Variants in NTM observed in about 807,000 individuals in gnomAD.
NTM encodes neurotrimin.
In NTM, 13 loss-of-function variants were observed where a neutral mutation model predicts 42.1. That is an observed-to-expected ratio of 0.31 (90% confidence interval 0.20 to 0.49). The LOEUF is 0.49. Ranked by LOEUF, NTM falls within the 20% of genes least tolerant of loss-of-function variation. The pLI is 0.99. For missense variants in NTM, 373 were observed against 452.8 expected, an observed-to-expected ratio of 0.82 and a Z score of 1.60; for synonymous variants, 187 against 179.2, an observed-to-expected ratio of 1.04 and a Z score of -0.35.
At chr11:131,978,401 G>A (rs1399969537) in intron 2 of NTM, among the ~76,000 whole-genome samples, 4 of 152,058 alleles carry the variant, frequency 2.6e-5, no homozygotes, top group Non-Finnish European at 1.5e-5. Context: ...CAAATTATTC[G>A]GGTCAGAGCA....
intron 1 of NTM, among the ~76,000 whole-genome samples, chr11:131,803,348 T>C (rs183701739): frequency 6.6e-6 from 1 of 152,012 alleles, no homozygotes; most frequent in Non-Finnish European, 1.5e-5. Context: ...GTCGCCAGGC[T>C]GGAGTGCTGG....
intron 1 of NTM, among the ~76,000 whole-genome samples, chr11:131,888,209 G>A (rs1272697615): frequency 6.6e-6 from 1 of 152,118 alleles, no homozygotes; most frequent in Non-Finnish European, 1.5e-5. Flanking sequence ...GCTGAGGCAG[G>A]AGAATCGCTT....
At chr11:131,977,423 C>G (rs2064568694) in intron 2 of NTM, among the ~76,000 whole-genome samples, 1 of 152,218 alleles carries the variant, frequency 6.6e-6, no homozygotes, top group Non-Finnish European at 1.5e-5. Context: ...TTTTAACTGT[C>G]TTCACACTGG....
intron 1 of NTM, among the ~76,000 whole-genome samples, chr11:131,791,625 A>C (rs1404883780): frequency 1.3e-5 from 2 of 152,196 alleles, no homozygotes; most frequent in Admixed American, 6.5e-5. Flanking sequence ...CCAACAGTTT[A>C]GAAGACTTTT....
intron 2 of NTM, among the ~76,000 whole-genome samples, chr11:131,989,846 A>G (rs1393311867): frequency 1.3e-5 from 2 of 152,148 alleles, no homozygotes; most frequent in African/African-American, 4.8e-5. Flanking sequence ...TGGTACAACC[A>G]TGTGAATGCT....
intron 1 of NTM, among the ~76,000 whole-genome samples, chr11:131,474,973 C>T (rs186283634): frequency 1.6e-3 from 246 of 152,304 alleles, no homozygotes; most frequent in Non-Finnish European, 2.1e-3. Context: ...TCATTGCCTG[C>T]CCTTGCTCTT....
At chr11:131,932,548 A>G (rs1443985517) in intron 2 of NTM, among the ~76,000 whole-genome samples, 2 of 152,288 alleles carry the variant, frequency 1.3e-5, no homozygotes, top group African/African-American at 4.8e-5. Context: ...TATCACCCCA[A>G]TTCTTCCTGG....
At chr11:131,467,283 G>A (rs759225025) in intron 1 of NTM, among the ~76,000 whole-genome samples, 1 of 152,154 alleles carries the variant, frequency 6.6e-6, no homozygotes, top group African/African-American at 2.4e-5. Flanking sequence ...CCTTGCTCCT[G>A]ACAATCATGC....
chr11:131,982,337 G>A (rs942540974), intron 2 of NTM, among the ~76,000 whole-genome samples: 7 of 152,134 alleles, frequency 4.6e-5, no homozygotes, highest in Non-Finnish European at 7.3e-5. Context: ...AGAAGGCATA[G>A]GGAATGCAAG....
At chr11:131,745,185 G>A (rs894169650) in intron 1 of NTM, among the ~76,000 whole-genome samples, 8 of 152,278 alleles carry the variant, frequency 5.3e-5, no homozygotes, top group African/African-American at 1.9e-4. Context: ...ATTATGGCTT[G>A]TAATACTGGG....
At chr11:132,320,358 A>C (rs2095533417) in intron 7 of NTM, among the ~76,000 whole-genome samples, 2 of 152,334 alleles carry the variant, frequency 1.3e-5, no homozygotes, top group South Asian at 4.1e-4. Context: ...GCATTGCCTC[A>C]CTCGGGAAGT....
intron 1 of NTM, among the ~76,000 whole-genome samples, chr11:131,392,397 A>C (rs1239900022): frequency 6.6e-6 from 1 of 151,312 alleles, no homozygotes. Context: ...CCTGTGTGCA[A>C]CCATAGAGCC....
At chr11:132,104,614 AATC>A (rs1354307785) in intron 2 of NTM, among the ~76,000 whole-genome samples, 17 of 149,270 alleles carry the variant, frequency 1.1e-4, no homozygotes, top group African/African-American at 3.5e-4. Flanking sequence ...TAATAGTAAT[AATC>A]ATAATAATAA....
intron 1 of NTM, among the ~76,000 whole-genome samples, chr11:131,888,015 C>T (rs1228452060): frequency 6.6e-6 from 1 of 152,146 alleles, no homozygotes; most frequent in Non-Finnish European, 1.5e-5. Flanking sequence ...TGAGTTGCTA[C>T]TCAAAACTGC....
intron 2 of NTM, among the ~76,000 whole-genome samples, chr11:131,913,357 A>G (rs1176450888): frequency 6.6e-6 from 1 of 151,828 alleles, no homozygotes; most frequent in African/African-American, 2.4e-5. Context: ...GAAAAGGTGT[A>G]AGGTAGCTCT....
chr11:132,090,456 C>T (rs2060248190), intron 2 of NTM, among the ~76,000 whole-genome samples: 1 of 152,100 alleles, frequency 6.6e-6, no homozygotes. Context: ...CTTCCCATGC[C>T]CAGTAACTTC....
chr11:132,218,512 G>T (rs955092369), intron 4 of NTM, among the ~76,000 whole-genome samples: 1 of 152,158 alleles, frequency 6.6e-6, no homozygotes, highest in Admixed American at 6.5e-5. Flanking sequence ...AGGGCGTAAG[G>T]CAAGACTTGA....
chr11:131,452,679 C>T (rs184858675), intron 1 of NTM, among the ~76,000 whole-genome samples: 105 of 152,268 alleles, frequency 6.9e-4, no homozygotes, highest in African/African-American at 2.5e-3. Context: ...GGCTTCTTGG[C>T]TTTCCCAAGA....
At chr11:132,197,546 C>G (rs542081907) in intron 3 of NTM, among the ~76,000 whole-genome samples, 2 of 151,598 alleles carry the variant, frequency 1.3e-5, no homozygotes, top group East Asian at 3.9e-4. Flanking sequence ...ATGTGCACAA[C>G]GTGCAGGTTT....
Sources: allele counts gnomAD v4.1 joint callset (sites outside exome capture counted in the v4.1 genomes callset), GRCh38; gene constraint gnomAD v4.1.1; transcripts MANE v1.5; gene names NCBI Gene and HGNC (gene_info 2026-07-23, HGNC 2026-07-21).